The following CEP192 variants were observed in gnomAD, a reference collection of about 807,000 sequenced individuals.
CEP192 encodes the protein centrosomal protein 192, also known as centrosomal protein of 192 kDa.
CEP192 carries 151 observed loss-of-function variants against 271.8 expected under a neutral mutation model. The observed-to-expected ratio is 0.56, with a 90% CI of 0.49 to 0.64. The LOEUF (loss-of-function observed/expected upper bound fraction) is 0.64. CEP192 is among the 30% of genes least tolerant of loss of function. The pLI, the probability that CEP192 is intolerant of heterozygous loss-of-function variation, is 0.00. For synonymous variants in CEP192, 995 were observed against 1,076.5 expected (o/e 0.92, Z 1.48); for missense variants, 2,910 against 3,020.5 (o/e 0.96, Z 0.86).
intron 3 of CEP192, among the ~76,000 whole-genome samples, chr18:13,003,912 G>T (rs181547460): frequency 6.6e-6 from 1 of 152,270 alleles, no homozygotes; most frequent in East Asian, 1.9e-4. Flanking sequence ...GCGAACAGGC[G>T]TGGTCCTCAG....
At chr18:13,071,308 A>C in intron 28 of CEP192, 96 bp downstream of exon 28, 1 of 1,029,728 alleles carries the variant, frequency 9.7e-7, no homozygotes, top group Non-Finnish European at 1.4e-6. Flanking sequence ...CATAATAGAC[A>C]CTCTTCAGGC....
intron 1 of CEP192, among the ~76,000 whole-genome samples, chr18:12,992,775 T>C (rs1025516601): frequency 1.3e-5 from 2 of 152,224 alleles, no homozygotes; most frequent in African/African-American, 4.8e-5. Flanking sequence ...CACTTAACAC[T>C]ATCGTAGTTG....
intron 21 of CEP192, among the ~76,000 whole-genome samples, chr18:13,066,963 CTGTGTGTG>C (rs56795701): frequency 1.9e-4 from 27 of 143,510 alleles, no homozygotes; most frequent in East Asian, 1.9e-3. Flanking sequence ...GTGAGCACGT[CTGTGTGTG>C]TGTGTGTGTG....
At chr18:13,004,261 G>C (rs1457928248) in intron 3 of CEP192, among the ~76,000 whole-genome samples, 2 of 151,978 alleles carry the variant, frequency 1.3e-5, no homozygotes, top group African/African-American at 4.8e-5. Context: ...ACGAGGTTAT[G>C]ACAGCTGGAT....
chr18:13,049,702 T>C (rs2036672238), intron 16 of CEP192, 21 bp downstream of exon 16: 2 of 1,602,400 alleles, frequency 1.2e-6, no homozygotes, highest in Non-Finnish European at 8.5e-7. Context: ...GAGTCGTTGG[T>C]CACATTCATA....
intron 4 of CEP192, among the ~76,000 whole-genome samples, chr18:13,009,731 G>C (rs9965066): frequency 0.12 from 18,689 of 152,230 alleles, 1,679 homozygotes; most frequent in African/African-American, 0.24. Flanking sequence ...TACCCGGGAG[G>C]CTGAGGCAGG....
intron 44 of CEP192, chr18:13,124,382 A>G (rs1470513702): frequency 1.2e-5 from 4 of 341,822 alleles, no homozygotes; most frequent in Admixed American, 8.4e-5. Context: ...TCCTTTTTAT[A>G]TATTAATAGT....
At chr18:13,045,133 T>A (rs908125384) in intron 15 of CEP192, among the ~76,000 whole-genome samples, 3 of 152,192 alleles carry the variant, frequency 2.0e-5, no homozygotes, top group Admixed American at 6.6e-5. Context: ...GTTTTCCCTC[T>A]CTTTTTCTTA....
chr18:13,026,661 C>T (rs1241061735), intron 9 of CEP192, among the ~76,000 whole-genome samples: 2 of 152,104 alleles, frequency 1.3e-5, no homozygotes, highest in African/African-American at 4.8e-5. Flanking sequence ...GTGCTGTGTC[C>T]AGTCTACCAA....
intron 30 of CEP192, among the ~76,000 whole-genome samples, chr18:13,085,964 A>T (rs2038877690): frequency 6.6e-6 from 1 of 152,058 alleles, no homozygotes; most frequent in Non-Finnish European, 1.5e-5. Context: ...TGGGAACAGC[A>T]TTGAATCTAT....
At chr18:13,010,494 T>C (rs976410548) in intron 4 of CEP192, among the ~76,000 whole-genome samples, 3 of 151,742 alleles carry the variant, frequency 2.0e-5, no homozygotes, top group Admixed American at 6.6e-5. Context: ...AAGAAAAAAA[T>C]AGATGAATTG....
At chr18:13,003,785 G>A (rs2033808379) in intron 3 of CEP192, among the ~76,000 whole-genome samples, 1 of 152,172 alleles carries the variant, frequency 6.6e-6, no homozygotes, top group African/African-American at 2.4e-5. Context: ...GGGTGACAGA[G>A]TGAGACCCTA....
rs2040330396 is a variant in CEP192 at position 13,114,171 on chromosome 18, C to T, written c.7209C>T (p.Ser2403=). 3.7e-6 allele frequency: 6 copies of T among 1,613,808 alleles called. No homozygotes were observed. In the South Asian group the frequency reaches 5.5e-5, roughly 15 times the overall value. The part of the protein sequence containing the change: ...AENEPENACL[S]TDSLIKIDHL... Reference sequence around the variant, plus strand: ...ATGAGCCTGAAAACGCATGCCTTTCCACGGATTCCCTCATTAAAATAGATC... The same window carrying T: ...ATGAGCCTGAAAACGCATGCCTTTCTACGGATTCCCTCATTAAAATAGATC... Residue 2403 remains serine, a synonymous_variant, in exon 42 of 45, where the codon TCC becomes TCT. Coordinates refer to ENST00000506447, the MANE Select transcript of CEP192 (RefSeq NM_032142.4).
chr18:13,073,986 G>A (rs1475322834), intron 30 of CEP192, among the ~76,000 whole-genome samples: 1 of 152,094 alleles, frequency 6.6e-6, no homozygotes, highest in Non-Finnish European at 1.5e-5. Context: ...GAAGCCATTT[G>A]TACAGACACA....
intron 36 of CEP192, among the ~76,000 whole-genome samples, chr18:13,097,950 C>A (rs1459655414): frequency 6.6e-6 from 1 of 152,208 alleles, no homozygotes; most frequent in Admixed American, 6.5e-5. Flanking sequence ...TCAGAGAACA[C>A]AGGGTTGGGG....
chr18:13,006,302 A>T (rs946630912), intron 3 of CEP192, among the ~76,000 whole-genome samples: 1 of 150,148 alleles, frequency 6.7e-6, no homozygotes, highest in South Asian at 2.1e-4. Flanking sequence ...CTTTTTGTGG[A>T]TGTACACTTG....
At chr18:13,041,169 T>C (rs1817295500) in intron 14 of CEP192, among the ~76,000 whole-genome samples, 1 of 152,186 alleles carries the variant, frequency 6.6e-6, no homozygotes, top group Admixed American at 6.5e-5. Context: ...CCTAAATTTG[T>C]AAAAACCACA....
chr18:13,104,441 A>G (rs186396465), intron 39 of CEP192, among the ~76,000 whole-genome samples: 2 of 152,278 alleles, frequency 1.3e-5, no homozygotes, highest in East Asian at 3.9e-4. Flanking sequence ...TTGAGCCATA[A>G]TACTACCAAA....
chr18:13,033,582 C>T (rs1254577343), intron 11 of CEP192, among the ~76,000 whole-genome samples: 2 of 152,214 alleles, frequency 1.3e-5, no homozygotes, highest in Non-Finnish European at 2.9e-5. Flanking sequence ...TTCAGATACA[C>T]TTGCATAAAT....
Sources: gnomAD v4.1 joint callset for allele counts (sites outside exome capture counted in the v4.1 genomes callset) on GRCh38, gnomAD v4.1.1 for gene constraint, MANE v1.5 for transcripts, NCBI Gene and HGNC (gene_info 2026-07-23, HGNC 2026-07-21) for gene names.